The following CCSER2 variants were observed in gnomAD, a reference collection of about 807,000 sequenced individuals.
CCSER2 encodes serine-rich coiled-coil domain-containing protein 2.
A neutral mutation model predicts 92.3 loss-of-function variants in CCSER2; 46 were observed. The observed-to-expected ratio is 0.50, with a 90% CI of 0.39 to 0.64. The LOEUF is 0.64. Ranked by LOEUF, CCSER2 falls within the 30% of genes least tolerant of loss-of-function variation. CCSER2 has a pLI of 0.00. For synonymous variants in CCSER2, 433 were observed against 431.4 expected (o/e 1.00, Z -0.04); for missense variants, 1,244 against 1,238.9 (o/e 1.00, Z -0.06).
chr10:84,456,462 A>G (rs777860253), intron 6 of CCSER2, among the ~76,000 whole-genome samples: 8 of 152,120 alleles, frequency 5.3e-5, no homozygotes, highest in Non-Finnish European at 8.8e-5. Context: ...TAATGCTACC[A>G]GTTTGCTTAT....
At chr10:84,465,314 A>ATTTTTTTTTTTTTTTTT (rs34510394) in intron 7 of CCSER2, among the ~76,000 whole-genome samples, 1 of 49,884 alleles carries the variant, frequency 2.0e-5, no homozygotes, top group Non-Finnish European at 3.5e-5. Context: ...ACATGTAAAG[A>ATTTTTTTTTTTTTTTTT]TTTTTTTTTT....
intron 1 of CCSER2, among the ~76,000 whole-genome samples, chr10:84,360,621 A>G (rs538403502): frequency 6.8e-6 from 1 of 148,120 alleles, no homozygotes; most frequent in African/African-American, 2.7e-5. Flanking sequence ...GTCTCAGTCA[A>G]CCCCTTTTCA....
intron 6 of CCSER2, among the ~76,000 whole-genome samples, chr10:84,449,041 C>G (rs1336131303): frequency 1.3e-5 from 2 of 152,162 alleles, no homozygotes; most frequent in Non-Finnish European, 2.9e-5. Context: ...TGCTGAATCT[C>G]TACGTTTCAA....
At chr10:84,449,671 A>G (rs1210993238) in intron 6 of CCSER2, among the ~76,000 whole-genome samples, 2 of 152,156 alleles carry the variant, frequency 1.3e-5, no homozygotes, top group African/African-American at 4.8e-5. Flanking sequence ...CCTGATCAAC[A>G]TGAAGAAACC....
intron 3 of CCSER2, among the ~76,000 whole-genome samples, chr10:84,386,945 A>C (rs1841245369): frequency 6.6e-6 from 1 of 152,074 alleles, no homozygotes; most frequent in Admixed American, 6.6e-5. Flanking sequence ...AGTGGGGAGG[A>C]TGGGTGGGGG....
chr10:84,485,851 G>A (rs553226320), intron 9 of CCSER2, among the ~76,000 whole-genome samples: 208 of 152,080 alleles, frequency 1.4e-3, no homozygotes, highest in African/African-American at 4.6e-3. Flanking sequence ...CTATTAACTC[G>A]TCATTTACAT....
At chr10:84,408,427 C>A (rs936072743) in intron 3 of CCSER2, among the ~76,000 whole-genome samples, 1 of 151,958 alleles carries the variant, frequency 6.6e-6, no homozygotes, top group Non-Finnish European at 1.5e-5. Context: ...TCTCTCCCTC[C>A]ATTTTTTGCC....
intron 3 of CCSER2, among the ~76,000 whole-genome samples, chr10:84,410,581 A>T (rs1225423375): frequency 6.6e-6 from 1 of 152,104 alleles, no homozygotes; most frequent in Non-Finnish European, 1.5e-5. Context: ...GTGTCTGTTC[A>T]TGTCCTTTGC....
At chr10:84,364,630 TTAA>T (rs1161551715) in intron 1 of CCSER2, among the ~76,000 whole-genome samples, 1 of 152,210 alleles carries the variant, frequency 6.6e-6, no homozygotes, top group East Asian at 1.9e-4. Context: ...ATGTAAGTGC[TTAA>T]TAATATTTGC....
intron 1 of CCSER2, among the ~76,000 whole-genome samples, chr10:84,329,374 TGTGGTGGTCCTTG>T (rs1843436142): frequency 1.3e-5 from 2 of 152,172 alleles, no homozygotes; most frequent in Admixed American, 6.5e-5. Flanking sequence ...GGGACTCCTT[TGTGGTGGTCCTTG>T]GTGGCGAAGC....
intron 6 of CCSER2, among the ~76,000 whole-genome samples, chr10:84,448,882 T>C (rs1277990452): frequency 6.6e-6 from 1 of 152,228 alleles, no homozygotes; most frequent in African/African-American, 2.4e-5. Flanking sequence ...GGTTTTGATA[T>C]TCATCTGTGT....
At chr10:84,365,587 G>A (rs1373295002) in intron 1 of CCSER2, among the ~76,000 whole-genome samples, 2 of 152,136 alleles carry the variant, frequency 1.3e-5, no homozygotes, top group African/African-American at 4.8e-5. Context: ...AGCACATTCA[G>A]GTTCTAACAT....
intron 9 of CCSER2, among the ~76,000 whole-genome samples, chr10:84,487,315 A>G (rs999318304): frequency 6.6e-6 from 1 of 152,196 alleles, no homozygotes; most frequent in Non-Finnish European, 1.5e-5. Context: ...ATGGCATTGA[A>G]TCTATAAATT....
At chr10:84,388,101 G>C (rs546514725) in intron 3 of CCSER2, among the ~76,000 whole-genome samples, 2 of 152,256 alleles carry the variant, frequency 1.3e-5, no homozygotes, top group East Asian at 3.9e-4. Flanking sequence ...CTGACCTCGT[G>C]ATCTGCCTGC....
At chr10:84,497,451 T>G (rs959360626) in intron 9 of CCSER2, among the ~76,000 whole-genome samples, 2 of 152,262 alleles carry the variant, frequency 1.3e-5, no homozygotes, top group Non-Finnish European at 2.9e-5. Context: ...TGTCTTTCCC[T>G]TCTTATACTC....
chr10:84,486,391 C>G (rs1847810658), intron 9 of CCSER2, among the ~76,000 whole-genome samples: 1 of 152,196 alleles, frequency 6.6e-6, no homozygotes, highest in Non-Finnish European at 1.5e-5. Flanking sequence ...TTCTCCACAT[C>G]CTCTCCAGCA....
intron 5 of CCSER2, among the ~76,000 whole-genome samples, chr10:84,431,044 A>G (rs1010719241): frequency 2.0e-5 from 3 of 152,170 alleles, no homozygotes; most frequent in Admixed American, 6.5e-5. Flanking sequence ...CTCACCTTCC[A>G]TTAGATACAG....
intron 7 of CCSER2, among the ~76,000 whole-genome samples, chr10:84,465,899 C>T (rs1846393580): frequency 6.6e-6 from 1 of 151,920 alleles, no homozygotes; most frequent in South Asian, 2.1e-4. Context: ...TACAGGTGCC[C>T]ACCACCGCGC....
At chr10:84,484,208 T>C (rs185271156) in intron 9 of CCSER2, among the ~76,000 whole-genome samples, 118 of 151,628 alleles carry the variant, frequency 7.8e-4, no homozygotes, top group African/African-American at 2.8e-3. Flanking sequence ...TATCTCCTGA[T>C]CTCGTGATCC....
Sources: allele counts gnomAD v4.1 joint callset (sites outside exome capture counted in the v4.1 genomes callset), GRCh38; gene constraint gnomAD v4.1.1; transcripts MANE v1.5; gene names NCBI Gene and HGNC (gene_info 2026-07-23, HGNC 2026-07-21).